NBAS: variants seen among roughly 807,000 people sequenced by gnomAD.
NBAS encodes NBAS subunit of NRZ tethering complex, also known as NAG/BC035112 fusion.
NBAS carries 219 observed loss-of-function variants against 302.5 expected under a neutral mutation model. The observed-to-expected ratio is 0.72, with a 90% CI of 0.65 to 0.81. NBAS has a LOEUF of 0.81. Ranked by LOEUF, NBAS falls within the 30% of genes least tolerant of loss-of-function variation. The probability of loss-of-function intolerance (pLI) is 0.00; values close to 1 mark genes in which losing one functional copy is unlikely to be tolerated. For missense variants in NBAS, 2,932 were observed against 2,841.6 expected (o/e 1.03, Z -0.72); for synonymous variants, 1,118 against 1,021.6 (o/e 1.09, Z -1.80).
intron 42 of NBAS, among the ~76,000 whole-genome samples, chr2:15,283,739 C>G (rs902114871): frequency 6.6e-6 from 1 of 152,146 alleles, no homozygotes; most frequent in African/African-American, 2.4e-5. Flanking sequence ...TCACAACCCT[C>G]TAAGGTGAGG....
chr2:14,923,609 T>C, the NBAS span, among the ~76,000 whole-genome samples: 1 of 152,116 alleles, frequency 6.6e-6, no homozygotes, highest in Non-Finnish European at 1.5e-5. Flanking sequence ...GGTGTATCCA[T>C]TAGACAAGGC....
At chr2:15,535,426 G>A (rs1663446794) in intron 8 of NBAS, among the ~76,000 whole-genome samples, 1 of 151,956 alleles carries the variant, frequency 6.6e-6, no homozygotes, top group Non-Finnish European at 1.5e-5. Context: ...AGACACTGAG[G>A]CAGGAGAATG....
At chr2:15,251,838 T>A (rs1465284531) in intron 44 of NBAS, among the ~76,000 whole-genome samples, 1 of 152,166 alleles carries the variant, frequency 6.6e-6, no homozygotes, top group Non-Finnish European at 1.5e-5. Flanking sequence ...TCTCATCCTA[T>A]GACTTAGATT....
chr2:15,254,560 A>C (rs1668501832), intron 44 of NBAS, among the ~76,000 whole-genome samples: 1 of 152,200 alleles, frequency 6.6e-6, no homozygotes, highest in Non-Finnish European at 1.5e-5. Context: ...TTTTTAAAAA[A>C]ATTCAACAGT....
intron 6 of NBAS, among the ~76,000 whole-genome samples, chr2:15,548,061 T>C (rs940901301): frequency 1.3e-5 from 2 of 152,184 alleles, no homozygotes; most frequent in East Asian, 1.9e-4. Flanking sequence ...ATATGTATAA[T>C]ATAGACAGTA....
chr2:15,343,553 TAAGA>T (rs1430115779), intron 35 of NBAS, among the ~76,000 whole-genome samples: 6 of 152,132 alleles, frequency 3.9e-5, no homozygotes, highest in African/African-American at 1.4e-4. Context: ...TAAAATCTAC[TAAGA>T]AAGAATAAGT....
At chr2:14,975,210 T>C in the NBAS span, among the ~76,000 whole-genome samples, 1 of 152,152 alleles carries the variant, frequency 6.6e-6, no homozygotes, top group Non-Finnish European at 1.5e-5. Flanking sequence ...CTAAACAGGG[T>C]AACTTGCTGA....
At position 15,249,474 on chromosome 2, in the gene NBAS, G is replaced by A. The variant is rs148723638; in HGVS notation, c.5725-10788C>T. ...TGGAAGTTCTGGCCAGGGCAATCACGCAAGAGAAAGAAATAAAGTGTATTC... is the reference window on the plus strand; with the variant it reads ...TGGAAGTTCTGGCCAGGGCAATCACACAAGAGAAAGAAATAAAGTGTATTC... On this transcript the variant is annotated intron_variant, in intron 44 of 51. Coordinates refer to ENST00000281513, the MANE Select transcript of NBAS (RefSeq NM_015909.4). Among the ~76,000 whole-genome samples the A allele has an allele frequency of 5.2e-4, 79 of 152,242 alleles. No homozygotes were observed. The East Asian group carries it at 7.9e-3, about 15-fold the overall frequency.
chr2:15,060,959 A>C, the NBAS span, among the ~76,000 whole-genome samples: 1 of 152,224 alleles, frequency 6.6e-6, no homozygotes, highest in Non-Finnish European at 1.5e-5. Flanking sequence ...ATAATTTATG[A>C]CATGAAAATG....
At chr2:15,359,655 C>G (rs1188849933) in intron 32 of NBAS, among the ~76,000 whole-genome samples, 1 of 151,996 alleles carries the variant, frequency 6.6e-6, no homozygotes, top group African/African-American at 2.4e-5. Flanking sequence ...ACTTTTCACT[C>G]TCTTTAAAAC....
intron 25 of NBAS, among the ~76,000 whole-genome samples, chr2:15,406,103 T>TAAAAAAAAAAAAAAAAA (rs71400653): frequency 8.7e-6 from 1 of 115,060 alleles, no homozygotes; most frequent in Non-Finnish European, 1.8e-5. Context: ...CAATAACATG[T>TAAAAAAAAAAAAAAAAA]AAAAAAAAAA....
At chr2:14,816,634 G>A in the NBAS span, among the ~76,000 whole-genome samples, 1 of 152,132 alleles carries the variant, frequency 6.6e-6, no homozygotes, top group Non-Finnish European at 1.5e-5. Flanking sequence ...AAGTTCCTTG[G>A]CTATCCGACT....
At chr2:15,021,835 A>G in the NBAS span, among the ~76,000 whole-genome samples, 1,890 of 152,302 alleles carry the variant, frequency 0.012, 42 homozygotes, top group African/African-American at 0.044. Flanking sequence ...CAGGTCATGC[A>G]GAAAGAGAAA....
chr2:15,330,379 C>A (rs549407515), intron 36 of NBAS, among the ~76,000 whole-genome samples: 15 of 152,270 alleles, frequency 9.9e-5, no homozygotes. Flanking sequence ...CCGAGCCTTA[C>A]CTAAATCTCT....
the NBAS span, among the ~76,000 whole-genome samples, chr2:15,144,046 A>ATATATATATATATAT: frequency 2.4e-3 from 248 of 104,460 alleles, 13 homozygotes; most frequent in African/African-American, 4.4e-3. Flanking sequence ...CCTATATATA[A>ATATATATATATATAT]AAATATATAT....
At chr2:14,900,577 C>G in the NBAS span, among the ~76,000 whole-genome samples, 3 of 152,174 alleles carry the variant, frequency 2.0e-5, no homozygotes, top group African/African-American at 7.2e-5. Context: ...AATTCCTTCT[C>G]TTCTATATCA....
Position 15,511,282 on chromosome 2 carries a change from G to A in NBAS, c.815C>T (p.Ser272Phe). 6.2e-7 allele frequency: 1 copy of A among 1,614,032 alleles called. No homozygotes were observed. Among genetic ancestry groups the A allele is most frequent in the South Asian group, 1.1e-5 (1 of 91,078 alleles). ...TGATCCTGAAAGAACTCTCCAGGCAGAAAGGCCACAGCTAGAAGCTTTTGA... is the reference window on the plus strand; with the variant it reads ...TGATCCTGAAAGAACTCTCCAGGCAAAAAGGCCACAGCTAGAAGCTTTTGA... ...GMSKASSCGL[S>F]AWRVLSGSPY... Residue 272 changes from serine to phenylalanine, a missense_variant, in exon 10 of 52, where the codon TCT (serine) becomes TTT (phenylalanine). Ser to Phe is a radical substitution (Grantham distance 155). Coordinates refer to ENST00000281513, the MANE Select transcript of NBAS (RefSeq NM_015909.4).
chr2:15,478,431 G>A (rs1680282725), intron 12 of NBAS, 142 bp from the exon 13 acceptor site: 4 of 692,414 alleles, frequency 5.8e-6, no homozygotes, highest in Non-Finnish European at 5.1e-6. Context: ...TCTATTTATT[G>A]CCATGATAGT....
chr2:15,383,378 T>A, intron 28 of NBAS, 61 bp from the exon 29 acceptor site: 7 of 1,513,562 alleles, frequency 4.6e-6, no homozygotes, highest in Non-Finnish European at 6.4e-6. Flanking sequence ...ATCTCTTTCT[T>A]CAAATGATCT....
Sources: allele counts gnomAD v4.1 joint callset (sites outside exome capture counted in the v4.1 genomes callset), GRCh38; gene constraint gnomAD v4.1.1; transcripts MANE v1.5; gene names NCBI Gene and HGNC (gene_info 2026-07-23, HGNC 2026-07-21).